Variants in SLC37A3 observed in about 807,000 individuals in gnomAD.
SLC37A3 encodes solute carrier family 37 member 3.
Under a neutral mutation model 67.1 loss-of-function variants are expected in SLC37A3, and 51 were observed. The ratio of observed to expected loss-of-function variants is 0.76; its 90% CI spans 0.61 to 0.96. The LOEUF is 0.96. Among genes scored for constraint, SLC37A3 ranks in the 40% least tolerant of loss-of-function variants. The pLI, the probability that SLC37A3 is intolerant of heterozygous loss-of-function variation, is 0.00. For synonymous variants in SLC37A3, 214 were observed against 231.4 expected (o/e 0.92, Z 0.68); for missense variants, 508 against 603.0 (o/e 0.84, Z 1.65).
At chr7:140,393,145 T>C (rs1041931887) in intron 1 of SLC37A3, among the ~76,000 whole-genome samples, 1 of 151,888 alleles carries the variant, frequency 6.6e-6, no homozygotes, top group Non-Finnish European at 1.5e-5. Context: ...TCCACCCTGA[T>C]CTCCTAACCA....
chr7:140,358,814 G>A (rs758349850), intron 5 of SLC37A3, 29 bp from the exon 6 acceptor site: 2 of 1,613,470 alleles, frequency 1.2e-6, no homozygotes, highest in East Asian at 4.5e-5. Context: ...AAAGGAATAT[G>A]TAACAGCCAC....
chr7:140,367,396 A>G (rs1402122510), intron 4 of SLC37A3, among the ~76,000 whole-genome samples: 1 of 152,158 alleles, frequency 6.6e-6, no homozygotes, highest in African/African-American at 2.4e-5. Flanking sequence ...AGATAGCACC[A>G]TTGCACTCCA....
chr7:140,394,063 C>T (rs549739771), intron 1 of SLC37A3, among the ~76,000 whole-genome samples: 5 of 152,086 alleles, frequency 3.3e-5, no homozygotes, highest in Non-Finnish European at 7.4e-5. Context: ...CCCAGCTACT[C>T]GAGAGGTGGA....
chr7:140,382,964 G>A (rs1419447770), intron 1 of SLC37A3, among the ~76,000 whole-genome samples: 2 of 152,048 alleles, frequency 1.3e-5, no homozygotes, highest in Admixed American at 6.6e-5. Context: ...TGTAATTAAG[G>A]CAAGAAAGCG....
Position 140,372,213 on chromosome 7 carries a change from T to C in SLC37A3, c.199-2531A>G, listed in dbSNP as rs567758850. On this transcript the variant is annotated intron_variant, in intron 3 of 14. Coordinates refer to ENST00000326232, the MANE Select transcript of SLC37A3 (RefSeq NM_207113.3). ...ACAGTGTAGTGAATTTCCCCCGCAA[T>C]AGACATCCCTGAGGGAAACGGAAAG... Among the ~76,000 whole-genome samples, 151 of 152,200 alleles carry C rather than the reference T, an allele frequency of 9.9e-4. 1 individual carries two copies. Among genetic ancestry groups the C allele is most frequent in the African/African-American group, 3.4e-3 (141 of 41,534 alleles).
chr7:140,362,352 G>A (rs1437444300), intron 5 of SLC37A3, among the ~76,000 whole-genome samples: 2,525 of 140,688 alleles, frequency 0.018, 19 homozygotes, highest in African/African-American at 0.065. Flanking sequence ...CCCTCCGTCC[G>A]GCAGCCACCC....
At chr7:140,396,577 C>A (rs1187094451) in intron 1 of SLC37A3, among the ~76,000 whole-genome samples, 2 of 152,130 alleles carry the variant, frequency 1.3e-5, no homozygotes, top group Non-Finnish European at 2.9e-5. Context: ...AGATAAAAAT[C>A]TTTCCCTCTT....
chr7:140,352,695 C>G (rs750561445), intron 7 of SLC37A3, among the ~76,000 whole-genome samples: 1 of 151,972 alleles, frequency 6.6e-6, no homozygotes, highest in Non-Finnish European at 1.5e-5. Flanking sequence ...TCCAGGCACA[C>G]GGTAAGCAAA....
intron 10 of SLC37A3, among the ~76,000 whole-genome samples, chr7:140,347,964 CTA>C (rs772861072): frequency 6.6e-6 from 1 of 152,092 alleles, no homozygotes; most frequent in Non-Finnish European, 1.5e-5. Context: ...TCTATACATA[CTA>C]TGTTTTTTTC....
At chr7:140,382,634 T>C (rs769259733) in intron 1 of SLC37A3, 38 bp from the exon 2 acceptor site, 6 of 895,678 alleles carry the variant, frequency 6.7e-6, no homozygotes, top group South Asian at 1.7e-5. Flanking sequence ...TTATTAAACA[T>C]AGGCAGAGTA....
At chr7:140,393,491 A>T (rs914069630) in intron 1 of SLC37A3, among the ~76,000 whole-genome samples, 1 of 151,820 alleles carries the variant, frequency 6.6e-6, no homozygotes, top group African/African-American at 2.4e-5. Context: ...CACCAACACC[A>T]ACTCCCCACA....
At chr7:140,391,586 T>G (rs1001508052) in intron 1 of SLC37A3, among the ~76,000 whole-genome samples, 1 of 152,070 alleles carries the variant, frequency 6.6e-6, no homozygotes, top group African/African-American at 2.4e-5. Context: ...AAAACACAAC[T>G]CTTCATTTCT....
chr7:140,385,436 T>C (rs1291655576), intron 1 of SLC37A3, among the ~76,000 whole-genome samples: 1 of 152,188 alleles, frequency 6.6e-6, no homozygotes, highest in African/African-American at 2.4e-5. Flanking sequence ...CTCAAAACTT[T>C]AATCATTCTC....
At chr7:140,384,775 T>G (rs116637043) in intron 1 of SLC37A3, among the ~76,000 whole-genome samples, 15,902 of 151,514 alleles carry the variant, frequency 0.1, 890 homozygotes, top group South Asian at 0.2. Context: ...AGGGAAAAAA[T>G]CCACAAAATG....
rs1341074609 is a variant in SLC37A3 at position 140,334,521 on chromosome 7, A to C, written c.*891T>G. On this transcript the variant is annotated 3_prime_UTR_variant, in exon 15 of 15. Transcript: ENST00000326232. The stretch of plus-strand genomic sequence containing the variant: ...TGTGCCAGAGATCAATCCTCTAAAA[A>C]TAGACTAAGCAGATTAGCTTCCTAG... 6.6e-6 allele frequency: 1 copy of C among 150,534 alleles called. No individual in the cohort carries two copies. The highest frequency in any genetic ancestry group is 1.5e-5 in the Non-Finnish European group (1 of 67,782). The allele number at this position is 150,534 out of a possible 1,614,324, so 9.3% of individuals were successfully genotyped here. A position where few individuals can be genotyped will look rare whatever the true frequency, so the allele number is the denominator to read the frequency against.
intron 1 of SLC37A3, among the ~76,000 whole-genome samples, chr7:140,392,739 A>G (rs1462933849): frequency 6.6e-6 from 1 of 152,134 alleles, no homozygotes; most frequent in East Asian, 1.9e-4. Context: ...TAAACTGCAG[A>G]GGTTGGGTTT....
rs368492279 is a variant in SLC37A3 at position 140,372,787 on chromosome 7, T to C, written c.199-3105A>G. ...CTGAGGCAGTAGAATTGCTTGCACT[T>C]GAGAGGAGGAGGTTTCACTGAATCG... On this transcript the variant is annotated intron_variant, in intron 3 of 14. Transcript: ENST00000326232. 2.4e-4 allele frequency among the ~76,000 whole-genome samples: 37 copies of C among 151,544 alleles called. 1 individual carries two copies. In the South Asian group the frequency reaches 6.9e-3, roughly 28 times the overall value.
intron 5 of SLC37A3, among the ~76,000 whole-genome samples, chr7:140,360,732 TAAAAAA>T (rs10631882): frequency 7.3e-6 from 1 of 137,278 alleles, no homozygotes; most frequent in African/African-American, 2.7e-5. Context: ...AGACTCCGTT[TAAAAAA>T]AAAAAAAAAA....
In SLC37A3 at chr7:140,382,458, CACT is replaced by C; in HGVS notation, c.66_68del (p.Val23del). On this transcript the variant is annotated inframe_deletion, in exon 2 of 15. Coordinates refer to ENST00000326232, the MANE Select transcript of SLC37A3 (RefSeq NM_207113.3). ...CTTACCTGAAGAAAGTGAGCAGGAACACTACAACATGATGATGGCTGAACTGGG... is the reference window on the plus strand; with the variant it reads ...CTTACCTGAAGAAAGTGAGCAGGAACACAACATGATGATGGCTGAACTGGG... 1.9e-6 allele frequency: 3 copies of C among 1,614,066 alleles called. No homozygotes were observed. The highest frequency in any genetic ancestry group is 2.5e-6 in the Non-Finnish European group (3 of 1,179,966).
Sources: allele counts gnomAD v4.1 joint callset (sites outside exome capture counted in the v4.1 genomes callset), GRCh38; gene constraint gnomAD v4.1.1; transcripts MANE v1.5; gene names NCBI Gene and HGNC (gene_info 2026-07-23, HGNC 2026-07-21).